Variants in DCAF5 observed in about 807,000 individuals in gnomAD.
The protein encoded by DCAF5 is DDB1- and CUL4-associated factor 5.
DCAF5 carries 9 observed loss-of-function variants against 80.7 expected under a neutral mutation model. The ratio of observed to expected loss-of-function variants is 0.11; its 90% CI spans 0.07 to 0.19. DCAF5 has a LOEUF of 0.19. Among genes scored for constraint, DCAF5 ranks in the 10% least tolerant of loss-of-function variants. The pLI, the probability that DCAF5 is intolerant of heterozygous loss-of-function variation, is 1.00. For missense variants in DCAF5, 842 were observed against 1,205.7 expected, an observed-to-expected ratio of 0.70 and a Z score of 4.47; for synonymous variants, 433 against 461.9, an observed-to-expected ratio of 0.94 and a Z score of 0.80.
rs1175833648 is a variant in DCAF5 at position 69,051,921 on chromosome 14, A to C, written c.*1936T>G. 1.3e-5 allele frequency: 2 copies of C among 152,656 alleles called. No individual in the cohort carries two copies. Among genetic ancestry groups the C allele is most frequent in the Non-Finnish European group, 1.5e-5 (1 of 68,042 alleles). 9.5% of individuals were successfully genotyped at this position (152,656 alleles called of 1,614,324 possible). On this transcript the variant is annotated 3_prime_UTR_variant, in exon 9 of 9. Transcript: ENST00000341516. ...TACATTTTGGAAAAGCAAATGTAAA[A>C]TGACTTGGGCTTATAAAACCAGCAT...
chr14:69,147,314 A>G (rs2041569529), intron 1 of DCAF5, among the ~76,000 whole-genome samples: 1 of 152,244 alleles, frequency 6.6e-6, no homozygotes, highest in Admixed American at 6.5e-5. Context: ...TGTTGAAGGT[A>G]TCAATCTCCT....
At chr14:69,135,157 C>T (rs956763119) in intron 1 of DCAF5, among the ~76,000 whole-genome samples, 2 of 152,158 alleles carry the variant, frequency 1.3e-5, no homozygotes, top group East Asian at 1.9e-4. Context: ...AAATTTTTTT[C>T]GCAATAACAC....
In DCAF5 at chr14:69,067,739, C is replaced by T. The variant is rs150693591; in HGVS notation, c.947-5228G>A. Among the ~76,000 whole-genome samples the T allele has an allele frequency of 2.2e-3, 331 of 151,902 alleles. 3 individuals are homozygous for T. Among genetic ancestry groups the T allele is most frequent in the African/African-American group, 7.5e-3 (309 of 41,412 alleles). The stretch of plus-strand genomic sequence containing the variant: ...GCAACCTTCACCTCCCCAGTTCAAG[C>T]GATTCTCCTGCCTCAGCCTCCCGAG... On this transcript the variant is annotated intron_variant, in intron 7 of 8. Coordinates refer to ENST00000341516, the MANE Select transcript of DCAF5 (RefSeq NM_003861.3).
At chr14:69,129,682 A>C (rs1353399771) in intron 1 of DCAF5, among the ~76,000 whole-genome samples, 1 of 152,200 alleles carries the variant, frequency 6.6e-6, no homozygotes, top group Non-Finnish European at 1.5e-5. Context: ...AGCCAGCCCC[A>C]TGGGCCTGGC....
chr14:69,124,492 G>T (rs948653152), intron 1 of DCAF5, among the ~76,000 whole-genome samples: 2 of 152,130 alleles, frequency 1.3e-5, no homozygotes, highest in African/African-American at 4.8e-5. Flanking sequence ...GAATTCCTTT[G>T]TTTCTTGAAT....
chr14:69,149,891 GA>G (rs1234291970), intron 1 of DCAF5, among the ~76,000 whole-genome samples: 1 of 152,046 alleles, frequency 6.6e-6, no homozygotes, highest in Non-Finnish European at 1.5e-5. Flanking sequence ...AGATAGATAA[GA>G]AAAAAATATA....
chr14:69,067,443 A>G (rs1199634698), intron 7 of DCAF5, among the ~76,000 whole-genome samples: 1 of 149,692 alleles, frequency 6.7e-6, no homozygotes, highest in African/African-American at 2.5e-5. Flanking sequence ...TCCCAGGCTC[A>G]AGCAATCCTC....
At chr14:69,136,546 A>C (rs2041202137) in intron 1 of DCAF5, among the ~76,000 whole-genome samples, 1 of 152,006 alleles carries the variant, frequency 6.6e-6, no homozygotes. Flanking sequence ...TTTTTTTTTA[A>C]TTTTGGAAAA....
rs147168788 is a variant in DCAF5, at chr14:69,119,281, T to C, written c.359-51A>G. On this transcript the variant is annotated intron_variant, in intron 2 of 8. Transcript: ENST00000341516. ...GATCATTCGTGCAAGGTGGTCCCTGTCCACATTACAATTTAGTATTTTTAA... is the reference window on the plus strand; with the variant it reads ...GATCATTCGTGCAAGGTGGTCCCTGCCCACATTACAATTTAGTATTTTTAA... 1.9e-4 allele frequency: 305 copies of C among 1,581,948 alleles called. No individual in the cohort carries two copies. In the African/African-American group the frequency reaches 3.5e-3, roughly 18 times the overall value.
chr14:69,105,943 A>ATATATATATATATATATATC (rs1223858774), intron 5 of DCAF5, among the ~76,000 whole-genome samples: 5 of 74,198 alleles, frequency 6.7e-5, no homozygotes, highest in East Asian at 2.8e-4. Flanking sequence ...ATATATATAT[A>ATATATATATATATATATATC]TATCTCCTAT....
chr14:69,119,090 TG>T (rs761382829), intron 3 of DCAF5, 103 bp downstream of exon 3: 1 of 1,129,354 alleles, frequency 8.9e-7, no homozygotes, highest in African/African-American at 1.6e-5. Flanking sequence ...GGTTTCATGT[TG>T]TTTTTTTCAA....
chr14:69,092,385 G>A lies in DCAF5; in HGVS notation c.666-498C>T, dbSNP rs139932437. Among the ~76,000 whole-genome samples the A allele has an allele frequency of 4.5e-3, 690 of 152,308 alleles. 10 individuals are homozygous for A. The highest frequency in any genetic ancestry group is 0.016 in the African/African-American group (648 of 41,564). ...TAATCCCAGCACTTTGGGAGTCTGA[G>A]GCAGGAGGATCACTTGAGCCCAAGA... is the stretch of plus-strand genomic sequence containing the variant. On this transcript the variant is annotated intron_variant, in intron 5 of 8. Transcript: ENST00000341516.
Position 69,118,273 on chromosome 14 carries a change from T to G in DCAF5, c.401A>C (p.Glu134Ala), listed in dbSNP as rs1320077965. 1 of 1,613,642 alleles carries G rather than the reference T, an allele frequency of 6.2e-7. No homozygotes were observed. The highest frequency in any genetic ancestry group is 8.5e-7 in the Non-Finnish European group (1 of 1,179,744). Residue 134 changes from glutamate (E) to alanine (A), a missense_variant, in exon 4 of 9, where the codon GAG becomes GCG. By Grantham distance (107) the Glu-to-Ala change is moderately radical. This residue lies in a region of DCAF5 where 142 missense variants were observed against 311.9 expected (regional missense o/e 0.46). Transcript: ENST00000341516. This position sits in a 1 kb window ranked among gnomAD's most constrained non-coding sequence, Gnocchi z 4.0. ...QVILHDVESS[E>A]TLDVFAHEDA... ...TTCATGAGCAAACACGTCCAATGTC[T>G]CACTGCTGGGAGATAAGAGAGCAAG... is the stretch of plus-strand genomic sequence containing the variant.
At chr14:69,079,656 A>G (rs2039026955) in intron 6 of DCAF5, among the ~76,000 whole-genome samples, 1 of 152,172 alleles carries the variant, frequency 6.6e-6, no homozygotes, top group Admixed American at 6.5e-5. Flanking sequence ...TCCTTTATTC[A>G]TTAAACAAAT....
Position 69,053,918 on chromosome 14 carries a change from C to A in DCAF5, c.2768G>T (p.Arg923Leu). ...VHGHSGLKRQ[R>L]IELEDTDSEN... ...TGAATCTGTATCTTCCAATTCAATT[C>A]GTTGCCTTTTGAGGCCACTGTGGCC... The change falls in exon 9 of 9, where the codon CGA becomes CTA. Residue 923 changes from arginine to leucine, a missense_variant. Arg to Leu is a moderately radical substitution (Grantham distance 102). Around this residue, in one of 5 missense-constraint regions of DCAF5, gnomAD observed 607 missense variants for 656.6 expected, o/e 0.92. Transcript: ENST00000341516. 1 of 1,611,546 alleles carries A rather than the reference C, an allele frequency of 6.2e-7. No homozygotes were observed. The highest frequency in any genetic ancestry group is 8.5e-7 in the Non-Finnish European group (1 of 1,179,464).
chr14:69,135,071 CGAT>C (rs2041150660), intron 1 of DCAF5, among the ~76,000 whole-genome samples: 1 of 152,142 alleles, frequency 6.6e-6, no homozygotes, highest in African/African-American at 2.4e-5. Context: ...TGAAAGGATA[CGAT>C]GTCATAATAT....
chr14:69,073,691 A>C (rs900036807), intron 7 of DCAF5, among the ~76,000 whole-genome samples: 1 of 152,166 alleles, frequency 6.6e-6, no homozygotes, highest in Non-Finnish European at 1.5e-5. Context: ...GAGAAGAAAA[A>C]AACCTACAAT....
intron 1 of DCAF5, among the ~76,000 whole-genome samples, chr14:69,131,206 G>C (rs1225274132): frequency 2.6e-5 from 4 of 152,194 alleles, no homozygotes; most frequent in Non-Finnish European, 4.4e-5. Flanking sequence ...ATCTCTTGCA[G>C]ATAGCAATTT....
chr14:69,054,623 T>A lies in DCAF5; in HGVS notation c.2063A>T (p.Glu688Val). The A allele has an allele frequency of 6.2e-7, 1 of 1,614,114 alleles. No homozygotes were observed. The highest frequency in any genetic ancestry group is 8.5e-7 in the Non-Finnish European group (1 of 1,179,994). Residue 688 changes from glutamate (E) to valine (V), a missense_variant, in exon 9 of 9, where the codon GAG becomes GTG. By Grantham distance (121) the Glu-to-Val change is moderately radical (BLOSUM62 -2). Around this residue, in one of 5 missense-constraint regions of DCAF5, gnomAD observed 607 missense variants for 656.6 expected, o/e 0.92. Transcript: ENST00000341516. ...KDGETSLVTG[E>V]ADEGRAGTSH... ...GGTTCCTGCTCTCCCTTCATCTGCC[T>A]CCCCGGTCACCAAGGAGGTCTCTCC...
Sources: allele counts gnomAD v4.1 joint callset (sites outside exome capture counted in the v4.1 genomes callset), GRCh38; gene constraint gnomAD v4.1.1; regional missense constraint gnomAD v4.1.1; non-coding constraint Gnocchi (gnomAD v3.1); transcripts MANE v1.5; gene names NCBI Gene and HGNC (gene_info 2026-07-23, HGNC 2026-07-21).